The following DPP6 variants were observed in gnomAD, a reference collection of about 807,000 sequenced individuals.
The protein encoded by DPP6 is dipeptidyl peptidase like 6, also known as A-type potassium channel modulatory protein DPP6.
In DPP6, 69 loss-of-function variants were observed where a neutral mutation model predicts 122.6. That is an observed-to-expected ratio of 0.56 (90% CI 0.46 to 0.69). The LOEUF (loss-of-function observed/expected upper bound fraction) is 0.69. Among genes scored for constraint, DPP6 ranks in the 30% least tolerant of loss-of-function variants. The probability of loss-of-function intolerance (pLI) is 0.00; values close to 1 mark genes in which losing one functional copy is unlikely to be tolerated. For synonymous variants in DPP6, 418 were observed against 433.1 expected, an observed-to-expected ratio of 0.97 and a Z score of 0.43; for missense variants, 928 against 1,116.9, an observed-to-expected ratio of 0.83 and a Z score of 2.41.
chr7:154,647,343 A>G, intron 6 of DPP6, among the ~76,000 whole-genome samples: 1 of 150,334 alleles, frequency 6.7e-6, no homozygotes, highest in Non-Finnish European at 1.5e-5. Context: ...GAGAAATAAC[A>G]CTTCTGTCTG....
At chr7:153,962,264 A>G (rs879129536) in intron 1 of DPP6, among the ~76,000 whole-genome samples, 2 of 151,974 alleles carry the variant, frequency 1.3e-5, no homozygotes, top group Admixed American at 6.5e-5. Flanking sequence ...GTTTCTTTGT[A>G]CTCCAATGGC....
intron 1 of DPP6, among the ~76,000 whole-genome samples, chr7:154,036,313 G>GA (rs1320830607): frequency 7.0e-6 from 1 of 142,982 alleles, no homozygotes; most frequent in East Asian, 2.0e-4. Flanking sequence ...GGGGCGGGGG[G>GA]ATTCACCATG....
chr7:154,335,528 G>C (rs1467715842), intron 1 of DPP6, among the ~76,000 whole-genome samples: 2 of 152,184 alleles, frequency 1.3e-5, no homozygotes, highest in East Asian at 3.9e-4. Flanking sequence ...TCCAAGTAGT[G>C]CCCCTGGTGG....
At chr7:154,380,576 G>A (rs1385189779) in intron 1 of DPP6, among the ~76,000 whole-genome samples, 3 of 152,212 alleles carry the variant, frequency 2.0e-5, no homozygotes, top group Non-Finnish European at 4.4e-5. Flanking sequence ...GAAACGGCAG[G>A]TGAGTCCTGG....
At chr7:154,806,645 A>G (rs981350994) in intron 15 of DPP6, among the ~76,000 whole-genome samples, 2 of 152,234 alleles carry the variant, frequency 1.3e-5, no homozygotes, top group African/African-American at 2.4e-5. Context: ...GGGACAGGAC[A>G]CGTGCAGATA....
At chr7:154,365,173 C>G (rs938996390) in intron 1 of DPP6, among the ~76,000 whole-genome samples, 20 of 152,114 alleles carry the variant, frequency 1.3e-4, no homozygotes, top group African/African-American at 4.8e-4. Context: ...TTCATTGCAC[C>G]GTAGGTTATT....
chr7:154,420,741 T>G (rs953068653), intron 1 of DPP6, among the ~76,000 whole-genome samples: 3 of 152,178 alleles, frequency 2.0e-5, no homozygotes, highest in African/African-American at 7.2e-5. Flanking sequence ...ATGATGAATA[T>G]GTTAATCAGC....
intron 1 of DPP6, among the ~76,000 whole-genome samples, chr7:154,395,738 CT>C (rs1027080580): frequency 1.3e-5 from 2 of 151,842 alleles, no homozygotes; most frequent in East Asian, 3.9e-4. Context: ...ACTTTTCTTT[CT>C]TTTTTTATTT....
chr7:154,392,140 G>T (rs1036583488), intron 1 of DPP6, among the ~76,000 whole-genome samples: 20 of 152,104 alleles, frequency 1.3e-4, no homozygotes, highest in African/African-American at 4.8e-4. Context: ...TGGGTGTGTG[G>T]CACACACCTG....
intron 4 of DPP6, among the ~76,000 whole-genome samples, chr7:154,565,049 T>C (rs1228688664): frequency 6.6e-6 from 1 of 152,208 alleles, no homozygotes; most frequent in African/African-American, 2.4e-5. Context: ...GAACGCCTTA[T>C]GGAGAAAATG....
At chr7:154,372,795 C>T (rs1461396028) in intron 1 of DPP6, among the ~76,000 whole-genome samples, 1 of 152,158 alleles carries the variant, frequency 6.6e-6, no homozygotes, top group Non-Finnish European at 1.5e-5. Context: ...TCCAGGACCC[C>T]CTGCATCAGT....
chr7:154,358,985 C>T (rs955337726), intron 1 of DPP6, among the ~76,000 whole-genome samples: 5 of 152,210 alleles, frequency 3.3e-5, no homozygotes, highest in Admixed American at 6.5e-5. Flanking sequence ...GGATTACAGG[C>T]GTGAGACACT....
chr7:153,851,414 GTTATT>G, the DPP6 span, among the ~76,000 whole-genome samples: 1 of 152,012 alleles, frequency 6.6e-6, no homozygotes, highest in African/African-American at 2.4e-5. Context: ...TTGATTCAAG[GTTATT>G]TTTTCTTTTT....
intron 1 of DPP6, among the ~76,000 whole-genome samples, chr7:154,367,858 G>C (rs577547328): frequency 6.6e-6 from 1 of 152,190 alleles, no homozygotes; most frequent in African/African-American, 2.4e-5. Flanking sequence ...TTGTCCAGGC[G>C]ACAGTGGGCG....
At chr7:154,543,055 C>T (rs574735124) in intron 4 of DPP6, among the ~76,000 whole-genome samples, 1 of 152,264 alleles carries the variant, frequency 6.6e-6, no homozygotes, top group East Asian at 1.9e-4. Context: ...TGGAGGATCA[C>T]CCACAGCCTG....
At chr7:154,855,792 C>G (rs1268614092) in intron 17 of DPP6, among the ~76,000 whole-genome samples, 2 of 152,208 alleles carry the variant, frequency 1.3e-5, no homozygotes, top group Non-Finnish European at 2.9e-5. Context: ...TGAAAAAATG[C>G]CGATGTTGCA....
intron 19 of DPP6, among the ~76,000 whole-genome samples, chr7:154,873,459 G>C (rs983996943): frequency 6.8e-6 from 1 of 146,248 alleles, no homozygotes; most frequent in Non-Finnish European, 1.5e-5. Context: ...TGGGAGAGCC[G>C]GCTGAAGCGA....
chr7:154,061,712 C>G (rs1224889665), intron 1 of DPP6, among the ~76,000 whole-genome samples: 11 of 86,376 alleles, frequency 1.3e-4, no homozygotes, highest in Admixed American at 4.4e-4. Flanking sequence ...GGGAGGCAAT[C>G]CCCGCGAGGC....
chr7:154,063,786 G>T (rs147909549), intron 1 of DPP6, among the ~76,000 whole-genome samples: 1,692 of 151,512 alleles, frequency 0.011, 18 homozygotes, highest in African/African-American at 0.032. Flanking sequence ...CCACCTGGAG[G>T]ACTGTGGATA....
Sources: gnomAD v4.1 joint callset for allele counts (sites outside exome capture counted in the v4.1 genomes callset) on GRCh38, gnomAD v4.1.1 for gene constraint, MANE v1.5 for transcripts, NCBI Gene and HGNC (gene_info 2026-07-23, HGNC 2026-07-21) for gene names.